SERPINI1: variants seen among roughly 807,000 people sequenced by gnomAD.
SERPINI1 encodes the protein neuroserpin.
Under a neutral mutation model 41.1 loss-of-function variants are expected in SERPINI1, and 19 were observed. That is an observed-to-expected ratio of 0.46 (90% confidence interval 0.32 to 0.68). The LOEUF is 0.68. Among genes scored for constraint, SERPINI1 ranks in the 30% least tolerant of loss-of-function variants. The pLI, the probability that SERPINI1 is intolerant of heterozygous loss-of-function variation, is 0.03. For missense variants in SERPINI1, 460 were observed against 479.2 expected, an observed-to-expected ratio of 0.96 and a Z score of 0.37; for synonymous variants, 138 against 156.6, an observed-to-expected ratio of 0.88 and a Z score of 0.89.
intron 8 of SERPINI1, 96 bp from the exon 9 acceptor site, chr3:167,825,151 A>G: frequency 1.2e-6 from 1 of 861,194 alleles, no homozygotes; most frequent in Non-Finnish European, 2.0e-6. Context: ...AAGGAAGGAG[A>G]AAATAACATA....
At chr3:167,799,240 T>A (rs981140867) in intron 5 of SERPINI1, among the ~76,000 whole-genome samples, 3 of 152,154 alleles carry the variant, frequency 2.0e-5, no homozygotes, top group African/African-American at 7.2e-5. Context: ...CCCTTCCTTG[T>A]GTCCATGCAT....
chr3:167,820,623 G>A (rs1712285510), intron 6 of SERPINI1, among the ~76,000 whole-genome samples: 1 of 152,226 alleles, frequency 6.6e-6, no homozygotes, highest in African/African-American at 2.4e-5. Context: ...GCACTGATGA[G>A]CATGGGAGGG....
At chr3:167,821,471 T>C (rs923584877) in intron 6 of SERPINI1, among the ~76,000 whole-genome samples, 16 of 152,172 alleles carry the variant, frequency 1.1e-4, no homozygotes, top group Admixed American at 3.3e-4. Flanking sequence ...TGAGCCAGCA[T>C]CCATGCCAGT....
intron 1 of SERPINI1, among the ~76,000 whole-genome samples, chr3:167,781,684 C>A (rs1727131875): frequency 7.7e-6 from 1 of 129,376 alleles, no homozygotes; most frequent in African/African-American, 2.8e-5. Flanking sequence ...CTCCCTCAAG[C>A]ATTTTTCTCA....
intron 1 of SERPINI1, among the ~76,000 whole-genome samples, chr3:167,781,465 C>T (rs1050364567): frequency 6.6e-6 from 1 of 151,168 alleles, no homozygotes; most frequent in African/African-American, 2.4e-5. Flanking sequence ...ATTTTTTTGC[C>T]GCCACCCCAA....
intron 1 of SERPINI1, among the ~76,000 whole-genome samples, chr3:167,788,830 G>A (rs1727398101): frequency 6.6e-6 from 1 of 152,138 alleles, no homozygotes; most frequent in African/African-American, 2.4e-5. Flanking sequence ...TCAAAGTCAT[G>A]ATCAAACTGT....
intron 1 of SERPINI1, among the ~76,000 whole-genome samples, chr3:167,768,446 C>T (rs1360850707): frequency 3.3e-5 from 5 of 152,052 alleles, no homozygotes; most frequent in East Asian, 1.9e-4. Flanking sequence ...TTTATTGTGG[C>T]GACCTGGATC....
intron 4 of SERPINI1, among the ~76,000 whole-genome samples, chr3:167,794,086 T>A (rs1727633361): frequency 6.6e-6 from 1 of 152,076 alleles, no homozygotes. Flanking sequence ...AAAAATCAGG[T>A]GAATATTGAT....
intron 1 of SERPINI1, among the ~76,000 whole-genome samples, chr3:167,781,321 C>T (rs529202091): frequency 1.1e-4 from 17 of 152,024 alleles, no homozygotes; most frequent in South Asian, 8.3e-4. Context: ...ATGAAAAAAA[C>T]AAAGTAGTAA....
intron 1 of SERPINI1, among the ~76,000 whole-genome samples, chr3:167,747,393 C>T (rs1016449876): frequency 2.0e-5 from 3 of 152,088 alleles, no homozygotes; most frequent in African/African-American, 7.2e-5. Flanking sequence ...GCCTGTAATC[C>T]CAGCACTTTG....
At position 167,735,784 on chromosome 3, in the gene SERPINI1, A is replaced by T. The variant is rs1225229350; in HGVS notation, c.-58A>T. The T allele has an allele frequency of 6.6e-6, 1 of 152,310 alleles. No homozygotes were observed. Among genetic ancestry groups the T allele is most frequent in the African/African-American group, 2.4e-5 (1 of 41,448 alleles). 9.4% of individuals were successfully genotyped at this position (152,310 alleles called of 1,614,324 possible). On this transcript the variant is annotated 5_prime_UTR_variant, in exon 1 of 9. Coordinates refer to ENST00000446050, the MANE Select transcript of SERPINI1 (RefSeq NM_001122752.2). The stretch of plus-strand genomic sequence containing the variant: ...GAGCGGAGCACAGTCCGCCGAGCAC[A>T]AGCTCCAGCATCCCGTCAGGGGTTG...
At chr3:167,749,919 C>T (rs1215175925) in intron 1 of SERPINI1, among the ~76,000 whole-genome samples, 2 of 152,024 alleles carry the variant, frequency 1.3e-5, no homozygotes, top group African/African-American at 4.8e-5. Context: ...GAGACATAAG[C>T]TGTGGGGCAG....
intron 1 of SERPINI1, among the ~76,000 whole-genome samples, chr3:167,764,095 A>G (rs1726479149): frequency 6.6e-6 from 1 of 152,140 alleles, no homozygotes; most frequent in South Asian, 2.1e-4. Context: ...TTTAAATTGC[A>G]TCAATTATAA....
At chr3:167,751,774 T>C (rs1432146951) in intron 1 of SERPINI1, among the ~76,000 whole-genome samples, 1 of 152,012 alleles carries the variant, frequency 6.6e-6, no homozygotes, top group African/African-American at 2.4e-5. Context: ...CTAGTATCTT[T>C]TTCATGTACG....
At chr3:167,745,021 A>C (rs1262924397) in intron 1 of SERPINI1, among the ~76,000 whole-genome samples, 1 of 150,870 alleles carries the variant, frequency 6.6e-6, no homozygotes, top group Non-Finnish European at 1.5e-5. Flanking sequence ...ATCACTACCA[A>C]TCTTACATAA....
intron 1 of SERPINI1, among the ~76,000 whole-genome samples, chr3:167,775,417 G>A (rs1014878968): frequency 2.0e-5 from 3 of 151,564 alleles, no homozygotes; most frequent in East Asian, 3.9e-4. Context: ...CTGCCACCAC[G>A]CCCGGCTAAT....
chr3:167,749,225 G>GT (rs896798313), intron 1 of SERPINI1, among the ~76,000 whole-genome samples: 44 of 151,928 alleles, frequency 2.9e-4, no homozygotes, highest in African/African-American at 9.7e-4. Context: ...TTTTGTTTGT[G>GT]TTTTTTTGCT....
Position 167,792,623 on chromosome 3 carries a change from T to C in SERPINI1, c.515T>C (p.Phe172Ser). The change falls in exon 4 of 9, where the codon TTT (phenylalanine) becomes TCT (serine). Residue 172 changes from phenylalanine (F) to serine (S), a missense_variant. Transcript: ENST00000446050. ...LVKDLVSPRD[F>S]DAATYLALIN... Reference sequence around the variant, plus strand: ...AAAGATTTGGTATCCCCAAGGGATTTTGATGCTGCCACTTATCTGGCCCTC... The same window carrying C: ...AAAGATTTGGTATCCCCAAGGGATTCTGATGCTGCCACTTATCTGGCCCTC... The C allele has an allele frequency of 6.2e-7, 1 of 1,613,728 alleles. No homozygotes were observed. Among genetic ancestry groups the C allele is most frequent in the Non-Finnish European group, 8.5e-7 (1 of 1,179,868 alleles).
At chr3:167,810,313 T>A (rs2108568884) in intron 6 of SERPINI1, among the ~76,000 whole-genome samples, 1 of 152,242 alleles carries the variant, frequency 6.6e-6, no homozygotes, top group South Asian at 2.1e-4. Flanking sequence ...TTTGCATGCA[T>A]TTTGTTTCTA....
Sources: gnomAD v4.1 joint callset for allele counts (sites outside exome capture counted in the v4.1 genomes callset) on GRCh38, gnomAD v4.1.1 for gene constraint, MANE v1.5 for transcripts, NCBI Gene and HGNC (gene_info 2026-07-23, HGNC 2026-07-21) for gene names.